SLC13A1: variants seen among roughly 807,000 people sequenced by gnomAD.
SLC13A1 encodes the protein solute carrier family 13 member 1, also known as Na(+)/sulfate cotransporter.
In SLC13A1, 65 loss-of-function variants were observed where a neutral mutation model predicts 70.0. The observed-to-expected ratio is 0.93, with a 90% CI of 0.76 to 1.14. SLC13A1 has a LOEUF of 1.14. SLC13A1 is among the 50% of genes most tolerant of loss of function. SLC13A1 has a pLI of 0.00. For synonymous variants in SLC13A1, 275 were observed against 250.5 expected, an observed-to-expected ratio of 1.10 and a Z score of -0.92; for missense variants, 726 against 717.8, an observed-to-expected ratio of 1.01 and a Z score of -0.13.
intron 8 of SLC13A1, among the ~76,000 whole-genome samples, chr7:123,131,104 G>T (rs993409942): frequency 6.6e-6 from 1 of 152,052 alleles, no homozygotes; most frequent in African/African-American, 2.4e-5. Context: ...AAAGTATCTG[G>T]GGCAAGCCTA....
intron 6 of SLC13A1, among the ~76,000 whole-genome samples, chr7:123,164,870 A>T (rs954313679): frequency 1.3e-5 from 2 of 151,806 alleles, no homozygotes; most frequent in African/African-American, 4.8e-5. Context: ...AATTTAATTT[A>T]TACCACTCTC....
chr7:123,163,573 A>T (rs1356994031), intron 6 of SLC13A1, among the ~76,000 whole-genome samples: 2 of 152,104 alleles, frequency 1.3e-5, no homozygotes, highest in East Asian at 3.8e-4. Flanking sequence ...CATCGTTATT[A>T]TCTGTATGAG....
intron 2 of SLC13A1, among the ~76,000 whole-genome samples, chr7:123,174,285 T>C (rs1489521515): frequency 1.3e-5 from 2 of 152,260 alleles, no homozygotes; most frequent in Non-Finnish European, 2.9e-5. Flanking sequence ...TGTCCAACTG[T>C]TCATTTCCAT....
chr7:123,172,791 T>C (rs1322919668), intron 2 of SLC13A1, among the ~76,000 whole-genome samples: 9 of 150,270 alleles, frequency 6.0e-5, no homozygotes, highest in Non-Finnish European at 5.9e-5. Context: ...AGGTACATAA[T>C]CTTTTTTTTT....
At chr7:123,179,641 G>A (rs767373298) in intron 2 of SLC13A1, among the ~76,000 whole-genome samples, 42 of 152,052 alleles carry the variant, frequency 2.8e-4, no homozygotes, top group Non-Finnish European at 4.1e-4. Flanking sequence ...CCCTTCCCAG[G>A]CACCCTTCCC....
chr7:123,139,195 T>C (rs983723235), intron 7 of SLC13A1, among the ~76,000 whole-genome samples: 2 of 152,162 alleles, frequency 1.3e-5, no homozygotes. Flanking sequence ...TGTATATTCT[T>C]GACTCCTTTG....
chr7:123,172,358 T>C lies in SLC13A1; in HGVS notation c.229-454A>G, dbSNP rs187578992. 3.7e-3 allele frequency among the ~76,000 whole-genome samples: 571 copies of C among 152,332 alleles called. 4 individuals carry two copies. Among genetic ancestry groups the C allele is most frequent in the African/African-American group, 0.013 (520 of 41,582 alleles). The stretch of plus-strand genomic sequence containing the variant: ...TTATAAGGCCAGGCATGGTGGCTGA[T>C]ACCTGTAATCCCAGCATTTTGGGAG... On this transcript the variant is annotated intron_variant, in intron 2 of 14. Coordinates refer to ENST00000194130, the MANE Select transcript of SLC13A1 (RefSeq NM_022444.4).
At chr7:123,116,935 A>T (rs1793199095) in intron 14 of SLC13A1, among the ~76,000 whole-genome samples, 1 of 152,210 alleles carries the variant, frequency 6.6e-6, no homozygotes. Flanking sequence ...AAAAATGTGC[A>T]TGCTTTATCA....
At chr7:123,136,197 C>T (rs1048634217) in intron 7 of SLC13A1, among the ~76,000 whole-genome samples, 1 of 152,168 alleles carries the variant, frequency 6.6e-6, no homozygotes, top group Non-Finnish European at 1.5e-5. Flanking sequence ...TCTCTACCCA[C>T]TGGAGAGAAT....
At chr7:123,194,026 A>G (rs948635011) in intron 1 of SLC13A1, among the ~76,000 whole-genome samples, 3 of 152,112 alleles carry the variant, frequency 2.0e-5, no homozygotes, top group Non-Finnish European at 4.4e-5. Flanking sequence ...CACTCAACAC[A>G]GTTATTAACT....
chr7:123,170,549 A>C lies in SLC13A1; in HGVS notation c.366-1214T>G, dbSNP rs1795233785. On this transcript the variant is annotated intron_variant, in intron 3 of 14. Transcript: ENST00000194130. ...GAGCAGAGGGTCAGGAAAAAGAGAT[A>C]CATTTCTGTAGCACCCTAAAAGGCA... Among the ~76,000 whole-genome samples, 7 of 152,334 alleles carry C rather than the reference A, an allele frequency of 4.6e-5. No individual in the cohort carries two copies. The South Asian group carries it at 1.5e-3, about 32-fold the overall frequency.
chr7:123,147,153 A>G lies in SLC13A1; in HGVS notation c.812+6T>C, dbSNP rs1585328545. 1 of 1,612,376 alleles carries G rather than the reference A, an allele frequency of 6.2e-7. No homozygotes were observed. The highest frequency in any genetic ancestry group is 2.2e-5 in the East Asian group (1 of 44,780). ...GTTAAATCACCAATCCAATAAGGTT[A>G]CTTACGTATTGAAATACTCTGCAAA... On this transcript the variant is annotated splice_donor_region_variant and intron_variant, in intron 7 of 14. Coordinates refer to ENST00000194130, the MANE Select transcript of SLC13A1 (RefSeq NM_022444.4).
intron 6 of SLC13A1, chr7:123,148,278 G>A (rs1794432436): frequency 1.2e-5 from 3 of 257,424 alleles, no homozygotes; most frequent in Admixed American, 1.1e-4. Flanking sequence ...TCCAAATCTT[G>A]TCAGTGACTG....
At position 123,134,515 on chromosome 7, in the gene SLC13A1, C is replaced by T; in HGVS notation, c.827G>A (p.Cys276Tyr). The change falls in exon 8 of 15, where the codon TGT becomes TAT. Residue 276 changes from cysteine (C) to tyrosine (Y), a missense_variant. Cys to Tyr is a radical substitution (Grantham distance 194). Transcript: ENST00000194130. ...CCATGATCCAAAGTTGAGGCAACGA[C>T]AGTCAGGATAGCGTCTGTGTGAAAA... Reference protein sequence around the residue: ...AEYFNTRYPDCRCLNFGSWFT... With the variant: ...AEYFNTRYPDYRCLNFGSWFT... 2 of 1,613,336 alleles carry T rather than the reference C, an allele frequency of 1.2e-6. No homozygotes were observed. Among genetic ancestry groups the T allele is most frequent in the Non-Finnish European group, 1.7e-6 (2 of 1,179,508 alleles).
chr7:123,118,863 A>C (rs985166835), intron 13 of SLC13A1, among the ~76,000 whole-genome samples: 1 of 152,134 alleles, frequency 6.6e-6, no homozygotes. Flanking sequence ...TAAGTTGTTC[A>C]CTTAAGATCA....
chr7:123,129,047 A>G lies in SLC13A1; in HGVS notation c.1032-101T>C, dbSNP rs981748405. ...CAGGAATGATCGCAGTAGAACACTA[A>G]ACACTGTAAGAACTAGATGTGTCAA... is the stretch of plus-strand genomic sequence containing the variant. On this transcript the variant is annotated intron_variant, in intron 9 of 14. Coordinates refer to ENST00000194130, the MANE Select transcript of SLC13A1 (RefSeq NM_022444.4). The G allele has an allele frequency of 1.3e-4, 107 of 801,494 alleles. 1 individual carries two copies. In the African/African-American group the frequency reaches 1.7e-3, roughly 13 times the overall value. The allele number at this position is 801,494 out of a possible 1,614,324, so 49.6% of individuals were successfully genotyped here. A position where few individuals can be genotyped will look rare whatever the true frequency, so the allele number is the denominator to read the frequency against.
chr7:123,147,422 A>T, intron 6 of SLC13A1, 112 bp from the exon 7 acceptor site: 3 of 1,250,654 alleles, frequency 2.4e-6, no homozygotes, highest in East Asian at 2.5e-5. Flanking sequence ...CTAACTCCTG[A>T]TGTGATTGTA....
At chr7:123,128,178 G>A (rs1194470494) in intron 10 of SLC13A1, among the ~76,000 whole-genome samples, 1 of 151,930 alleles carries the variant, frequency 6.6e-6, no homozygotes, top group Non-Finnish European at 1.5e-5. Flanking sequence ...AGGCTGGGCT[G>A]AACTTGTAGT....
At chr7:123,133,200 A>G (rs1793825860) in intron 8 of SLC13A1, among the ~76,000 whole-genome samples, 1 of 152,178 alleles carries the variant, frequency 6.6e-6, no homozygotes, top group African/African-American at 2.4e-5. Flanking sequence ...ATGATCTCTT[A>G]TCTGGCCTCT....
Sources: allele counts gnomAD v4.1 joint callset (sites outside exome capture counted in the v4.1 genomes callset), GRCh38; gene constraint gnomAD v4.1.1; transcripts MANE v1.5; gene names NCBI Gene and HGNC (gene_info 2026-07-23, HGNC 2026-07-21).